The following NAALADL2 variants were observed in gnomAD, a reference collection of about 807,000 sequenced individuals.
The protein encoded by NAALADL2 is N-acetylated alpha-linked acidic dipeptidase like 2.
In NAALADL2, 76 loss-of-function variants were observed where a neutral mutation model predicts 87.2. The observed-to-expected ratio is 0.87, with a 90% CI of 0.72 to 1.05. The LOEUF (loss-of-function observed/expected upper bound fraction) is 1.05, where lower values mean the gene tolerates loss of function less well. Ranked by LOEUF, NAALADL2 falls within the 50% of genes least tolerant of loss-of-function variation. The pLI, the probability that NAALADL2 is intolerant of heterozygous loss-of-function variation, is 0.00. For missense variants in NAALADL2, 1,089 were observed against 945.8 expected (o/e 1.15, Z -1.99); for synonymous variants, 354 against 331.0 (o/e 1.07, Z -0.75).
chr3:175,464,668 G>A (rs763686151), intron 7 of NAALADL2, among the ~76,000 whole-genome samples: 2 of 152,076 alleles, frequency 1.3e-5, no homozygotes, highest in African/African-American at 2.4e-5. Context: ...TGGCCTAGTT[G>A]CTAGCTCAGA....
At position 175,230,323 on chromosome 3, in the gene NAALADL2, T is replaced by G. The variant is rs932996439; in HGVS notation, c.546-3608T>G. Among the ~76,000 whole-genome samples, 4 of 152,002 alleles carry G rather than the reference T, an allele frequency of 2.6e-5. No homozygotes were observed. The East Asian group carries it at 7.7e-4, about 29-fold the overall frequency. On this transcript the variant is annotated intron_variant, in intron 2 of 13. Transcript: ENST00000454872. ...TATTAAAAGCTCTATGCATTAAAAT[T>G]ATAAACTTTTGCTTATCATAAGACA...
chr3:174,783,113 A>T lies in NAALADL2; in HGVS notation c.-9+45367A>T, dbSNP rs371657345. Among the ~76,000 whole-genome samples, 378 of 152,282 alleles carry T rather than the reference A, an allele frequency of 2.5e-3. 3 individuals carry two copies. Among genetic ancestry groups the T allele is most frequent in the African/African-American group, 8.6e-3 (359 of 41,562 alleles). ...TTAAAAAGCTTTTGTCATGCTGTCT[A>T]TTGGAGATAACATTTCATTTTCCAT... On this transcript the variant is annotated intron_variant, in intron 3 of 3. Transcript: ENST00000434257.
At position 174,920,217 on chromosome 3, in the gene NAALADL2, G is replaced by T. The variant is rs530445685; in HGVS notation, c.43+60767G>T. Among the ~76,000 whole-genome samples the T allele has an allele frequency of 2.6e-5, 4 of 152,266 alleles. No homozygotes were observed. The South Asian group carries it at 8.3e-4, about 32-fold the overall frequency. ...GAGTCAGACTGTCTCTTCAAGCCTT[G>T]AAGTCAGGCATCGACTCCTCCTCTC... On this transcript the variant is annotated intron_variant, in intron 1 of 13. Coordinates refer to ENST00000454872, the MANE Select transcript of NAALADL2 (RefSeq NM_207015.3).
chr3:174,764,535 A>T (rs2109084370), intron 3 of NAALADL2, among the ~76,000 whole-genome samples: 1 of 152,316 alleles, frequency 6.6e-6, no homozygotes, highest in Middle Eastern at 3.4e-3. Flanking sequence ...ACTTGAACCC[A>T]GGAGGTGTAG....
chr3:175,251,564 A>G (rs1455515188), intron 3 of NAALADL2, among the ~76,000 whole-genome samples: 1 of 152,220 alleles, frequency 6.6e-6, no homozygotes, highest in Non-Finnish European at 1.5e-5. Flanking sequence ...TTTGGTTGTA[A>G]GTTAACATAG....
At chr3:175,325,763 C>T (rs1233434201) in intron 5 of NAALADL2, among the ~76,000 whole-genome samples, 1 of 152,152 alleles carries the variant, frequency 6.6e-6, no homozygotes, top group Admixed American at 6.5e-5. Context: ...TTTCAACATC[C>T]TTTTTTTCTA....
At chr3:175,379,549 T>C (rs1362634283) in intron 5 of NAALADL2, among the ~76,000 whole-genome samples, 2 of 151,976 alleles carry the variant, frequency 1.3e-5, no homozygotes, top group African/African-American at 4.8e-5. Context: ...TTTTCCTTTT[T>C]TTAAGATGGA....
At chr3:175,195,575 T>C (rs968867402) in intron 2 of NAALADL2, among the ~76,000 whole-genome samples, 1 of 151,806 alleles carries the variant, frequency 6.6e-6, no homozygotes, top group South Asian at 2.1e-4. Context: ...TGGGAACATA[T>C]GTGATTTGTT....
intron 12 of NAALADL2, among the ~76,000 whole-genome samples, chr3:175,737,600 G>A (rs2150083063): frequency 6.6e-6 from 1 of 151,720 alleles, no homozygotes; most frequent in South Asian, 2.1e-4. Context: ...TAAGCATAAT[G>A]GAGAATATCA....
At chr3:175,363,438 C>T (rs905844114) in intron 5 of NAALADL2, among the ~76,000 whole-genome samples, 5 of 147,126 alleles carry the variant, frequency 3.4e-5, no homozygotes, top group Non-Finnish European at 6.0e-5. Context: ...CTGGAGACTT[C>T]GCATGGCCAT....
chr3:175,296,421 G>A (rs56100847), intron 4 of NAALADL2, among the ~76,000 whole-genome samples: 3,532 of 152,196 alleles, frequency 0.023, 130 homozygotes, highest in African/African-American at 0.081. Flanking sequence ...TTGCCACGCT[G>A]GATCTCAAAT....
At chr3:174,754,318 A>G (rs1252579192) in intron 3 of NAALADL2, among the ~76,000 whole-genome samples, 1 of 152,186 alleles carries the variant, frequency 6.6e-6, no homozygotes, top group East Asian at 1.9e-4. Context: ...AATTTGTAAA[A>G]TGTAATGAAA....
chr3:174,827,672 T>G (rs67770283), intron 3 of NAALADL2, among the ~76,000 whole-genome samples: 43,210 of 152,092 alleles, frequency 0.28, 7,190 homozygotes, highest in African/African-American at 0.45. Context: ...AGGTTCAATG[T>G]ATTGGGATAT....
At chr3:174,478,017 C>G (rs1165553776) in intron 1 of NAALADL2, among the ~76,000 whole-genome samples, 1 of 151,950 alleles carries the variant, frequency 6.6e-6, no homozygotes, top group Non-Finnish European at 1.5e-5. Context: ...TACATTTAGT[C>G]AAAAAGAAAA....
At chr3:175,070,721 C>A (rs1212889101) in intron 1 of NAALADL2, among the ~76,000 whole-genome samples, 1 of 151,982 alleles carries the variant, frequency 6.6e-6, no homozygotes, top group Admixed American at 6.6e-5. Flanking sequence ...ATTGAGAAAG[C>A]ATGGTGAATT....
intron 3 of NAALADL2, among the ~76,000 whole-genome samples, chr3:174,786,219 G>C (rs2109172457): frequency 6.6e-6 from 1 of 152,146 alleles, no homozygotes; most frequent in Non-Finnish European, 1.5e-5. Flanking sequence ...GGTAGGCCAA[G>C]GCGGGCAGAT....
intron 9 of NAALADL2, among the ~76,000 whole-genome samples, chr3:175,561,833 T>G (rs1468484910): frequency 3.3e-5 from 5 of 152,228 alleles, no homozygotes; most frequent in Non-Finnish European, 7.3e-5. Context: ...CATAGCACTT[T>G]AAGTGAAATC....
intron 9 of NAALADL2, among the ~76,000 whole-genome samples, chr3:175,541,347 C>T (rs1223953510): frequency 1.3e-5 from 2 of 152,160 alleles, no homozygotes; most frequent in African/African-American, 4.8e-5. Flanking sequence ...GTAAAAAATG[C>T]ATTTAATACA....
chr3:174,549,475 G>T (rs1357774893), intron 1 of NAALADL2, among the ~76,000 whole-genome samples: 1 of 152,100 alleles, frequency 6.6e-6, no homozygotes, highest in African/African-American at 2.4e-5. Context: ...AATTAAATAT[G>T]CAAATCTATC....
Sources: gnomAD v4.1 joint callset for allele counts (sites outside exome capture counted in the v4.1 genomes callset) on GRCh38, gnomAD v4.1.1 for gene constraint, MANE v1.5 for transcripts, NCBI Gene and HGNC (gene_info 2026-07-23, HGNC 2026-07-21) for gene names.